The following NRXN3 variants were observed in gnomAD, a reference collection of about 807,000 sequenced individuals.
The protein encoded by NRXN3 is neurexin 3, also known as neurexin III.
NRXN3 carries 32 observed loss-of-function variants against 137.6 expected under a neutral mutation model. That is an observed-to-expected ratio of 0.23 (90% confidence interval 0.18 to 0.31). The LOEUF (loss-of-function observed/expected upper bound fraction) is 0.31. Ranked by LOEUF, NRXN3 falls within the 10% of genes least tolerant of loss-of-function variation. NRXN3 has a pLI of 1.00. For missense variants in NRXN3, 1,574 were observed against 2,062.5 expected, an observed-to-expected ratio of 0.76 and a Z score of 4.59; for synonymous variants, 798 against 784.5, an observed-to-expected ratio of 1.02 and a Z score of -0.29.
chr14:79,505,255 C>A (rs190938261), intron 16 of NRXN3, among the ~76,000 whole-genome samples: 6 of 151,026 alleles, frequency 4.0e-5, no homozygotes, highest in African/African-American at 1.5e-4. Context: ...GGGTAGACCA[C>A]GTGTGCTGTT....
In NRXN3 at chr14:78,960,522, A is replaced by T. The variant is rs552696587; in HGVS notation, c.2395+3161A>T. The stretch of plus-strand genomic sequence containing the variant: ...AAAGCAAGGATAGAAATATTCCTCA[A>T]CCTTGTGTTTATCATTTATTGTAAT... On this transcript the variant is annotated intron_variant, in intron 11 of 20. Transcript: ENST00000335750. Among the ~76,000 whole-genome samples, 7 of 152,280 alleles carry T rather than the reference A, an allele frequency of 4.6e-5. No homozygotes were observed. In the South Asian group the frequency reaches 1.5e-3, roughly 32 times the overall value.
intron 15 of NRXN3, among the ~76,000 whole-genome samples, chr14:79,052,743 A>C (rs527731233): frequency 1.3e-5 from 2 of 152,312 alleles, no homozygotes; most frequent in Non-Finnish European, 2.9e-5. Flanking sequence ...GGTTGCAAAA[A>C]TCCATTAGAC....
At chr14:78,491,976 G>A (rs918174697) in intron 4 of NRXN3, among the ~76,000 whole-genome samples, 6 of 152,124 alleles carry the variant, frequency 3.9e-5, no homozygotes, top group Admixed American at 2.0e-4. Context: ...GCTGAGATTC[G>A]GATTCCGCCT....
chr14:79,459,564 A>G (rs1363034851), intron 15 of NRXN3, among the ~76,000 whole-genome samples: 10 of 152,030 alleles, frequency 6.6e-5, no homozygotes, highest in African/African-American at 9.7e-5. Flanking sequence ...TAGCCTCCAG[A>G]ATTGCAAGAC....
chr14:79,105,606 C>T (rs2052277375), intron 15 of NRXN3, among the ~76,000 whole-genome samples: 1 of 152,072 alleles, frequency 6.6e-6, no homozygotes, highest in Admixed American at 6.6e-5. Context: ...TGTTTCCTTC[C>T]ACCCCCAAAT....
chr14:78,236,728 T>TC (rs2066354634), intron 1 of NRXN3, among the ~76,000 whole-genome samples: 2 of 32,542 alleles, frequency 6.1e-5, no homozygotes, highest in Non-Finnish European at 1.1e-4. Flanking sequence ...ATAGGTATTA[T>TC]TCCCCCCCCC....
At chr14:78,961,364 T>TC (rs1470262795) in intron 11 of NRXN3, among the ~76,000 whole-genome samples, 2 of 151,670 alleles carry the variant, frequency 1.3e-5, no homozygotes, top group African/African-American at 4.8e-5. Context: ...TACAAGCCCC[T>TC]CCCCCCAGAA....
chr14:79,011,769 C>T (rs937473807), intron 15 of NRXN3, among the ~76,000 whole-genome samples: 3 of 152,086 alleles, frequency 2.0e-5, no homozygotes, highest in African/African-American at 2.4e-5. Context: ...GCTATGAGAT[C>T]GCCCCGGAAT....
At chr14:79,574,046 A>G (rs534003548) in intron 16 of NRXN3, among the ~76,000 whole-genome samples, 9 of 152,274 alleles carry the variant, frequency 5.9e-5, no homozygotes, top group African/African-American at 2.2e-4. Context: ...TATTATATTA[A>G]GGAAAAACAT....
At chr14:79,223,657 A>C (rs555897273) in intron 15 of NRXN3, among the ~76,000 whole-genome samples, 1 of 152,258 alleles carries the variant, frequency 6.6e-6, no homozygotes, top group Non-Finnish European at 1.5e-5. Context: ...GAGATCATGG[A>C]AATAAATACA....
chr14:79,482,630 A>G (rs536130923), intron 16 of NRXN3, among the ~76,000 whole-genome samples: 2 of 152,268 alleles, frequency 1.3e-5, no homozygotes, highest in South Asian at 4.1e-4. Context: ...ACATCCATCT[A>G]CATTTCACAG....
In NRXN3 at chr14:78,870,614, G is replaced by A. The variant is rs75513913; in HGVS notation, c.2275+60270G>A. Among the ~76,000 whole-genome samples, 1,946 of 151,912 alleles carry A rather than the reference G, an allele frequency of 0.013. 211 individuals are homozygous for A. In the East Asian group the frequency reaches 0.26, roughly 20 times the overall value. On this transcript the variant is annotated intron_variant, in intron 10 of 20. Coordinates refer to ENST00000335750, the MANE Select transcript of NRXN3 (RefSeq NM_001330195.2). Reference sequence around the variant, plus strand: ...TATTACCCTGTAGGTGTTACTGAACGCTAGATCTTATTCCTTCTATCTAAC... The same window carrying A: ...TATTACCCTGTAGGTGTTACTGAACACTAGATCTTATTCCTTCTATCTAAC...
chr14:78,771,163 T>G (rs896425929), intron 8 of NRXN3, among the ~76,000 whole-genome samples: 1 of 152,194 alleles, frequency 6.6e-6, no homozygotes, highest in East Asian at 1.9e-4. Context: ...ACTCAGGCTC[T>G]AATGGGCCTT....
At chr14:78,966,808 T>A (rs1458388372) in intron 12 of NRXN3, among the ~76,000 whole-genome samples, 2 of 152,212 alleles carry the variant, frequency 1.3e-5, no homozygotes, top group East Asian at 3.8e-4. Context: ...TATATGCAAG[T>A]TTTTAGAAGC....
chr14:79,062,931 A>T (rs2099675998), intron 15 of NRXN3, among the ~76,000 whole-genome samples: 1 of 152,190 alleles, frequency 6.6e-6, no homozygotes, highest in Admixed American at 6.5e-5. Flanking sequence ...TCTGAGGTGA[A>T]AAACCTGAAA....
chr14:78,742,559 G>A (rs933193212), intron 8 of NRXN3, among the ~76,000 whole-genome samples: 18 of 152,166 alleles, frequency 1.2e-4, no homozygotes, highest in African/African-American at 4.3e-4. Context: ...TTAGCCAAAG[G>A]TATGTAGTGT....
chr14:79,704,581 A>C (rs1358785729), intron 19 of NRXN3, among the ~76,000 whole-genome samples: 3 of 152,082 alleles, frequency 2.0e-5, no homozygotes, highest in Non-Finnish European at 4.4e-5. Flanking sequence ...GGCTCAACTA[A>C]TATTGATTAA....
chr14:78,253,356 A>G (rs2068953739), intron 2 of NRXN3, among the ~76,000 whole-genome samples: 1 of 152,192 alleles, frequency 6.6e-6, no homozygotes, highest in South Asian at 2.1e-4. Flanking sequence ...TAGGTAATGT[A>G]CTGGAAACCA....
intron 10 of NRXN3, among the ~76,000 whole-genome samples, chr14:78,815,479 CTTTTTTTTTTT>C (rs61411777): frequency 2.1e-4 from 18 of 84,436 alleles, no homozygotes; most frequent in Non-Finnish European, 2.6e-4. Context: ...TTGTTTCTTT[CTTTTTTTTTTT>C]TTTTTTTTTT....
Sources: allele counts gnomAD v4.1 joint callset (sites outside exome capture counted in the v4.1 genomes callset), GRCh38; gene constraint gnomAD v4.1.1; transcripts MANE v1.5; gene names NCBI Gene and HGNC (gene_info 2026-07-23, HGNC 2026-07-21).